ST6GAL2: variants seen among roughly 807,000 people sequenced by gnomAD.
ST6GAL2 encodes beta-galactoside alpha-2,6-sialyltransferase 2.
Under a neutral mutation model 37.5 loss-of-function variants are expected in ST6GAL2, and 24 were observed. The ratio of observed to expected loss-of-function variants is 0.64; its 90% confidence interval spans 0.46 to 0.90. The LOEUF is 0.90. Ranked by LOEUF, ST6GAL2 falls within the 40% of genes least tolerant of loss-of-function variation. The probability of loss-of-function intolerance (pLI) is 0.00; values close to 1 mark genes in which losing one functional copy is unlikely to be tolerated. For synonymous variants in ST6GAL2, 306 were observed against 295.1 expected (o/e 1.04, Z -0.38); for missense variants, 715 against 712.7 (o/e 1.00, Z -0.04).
intron 1 of ST6GAL2, among the ~76,000 whole-genome samples, chr2:106,853,300 A>G (rs1242441270): frequency 6.6e-6 from 1 of 152,188 alleles, no homozygotes; most frequent in Non-Finnish European, 1.5e-5. Flanking sequence ...GACAACTGCC[A>G]GGCGGATTTT....
At chr2:106,820,524 A>G (rs1573216866) in intron 5 of ST6GAL2, among the ~76,000 whole-genome samples, 1 of 152,120 alleles carries the variant, frequency 6.6e-6, no homozygotes, top group African/African-American at 2.4e-5. Flanking sequence ...ACCCCAAAAT[A>G]ATAAAGGCTG....
chr2:106,823,813 T>C (rs7607055), intron 5 of ST6GAL2, among the ~76,000 whole-genome samples: 52,144 of 152,024 alleles, frequency 0.34, 9,773 homozygotes, highest in Non-Finnish European at 0.43. Flanking sequence ...TACTGGTTCA[T>C]TGATGGCCAT....
chr2:106,818,016 A>G (rs183920050), intron 5 of ST6GAL2, among the ~76,000 whole-genome samples: 2 of 152,080 alleles, frequency 1.3e-5, no homozygotes, highest in African/African-American at 4.8e-5. Flanking sequence ...AGTGGGGAGG[A>G]CTCTGTCTTG....
intron 1 of ST6GAL2, among the ~76,000 whole-genome samples, chr2:106,861,226 A>G (rs1677784335): frequency 6.6e-6 from 1 of 152,194 alleles, no homozygotes; most frequent in Admixed American, 6.5e-5. Context: ...AGCCTGAGGA[A>G]TTCTGCTTTA....
At chr2:106,872,487 A>T (rs1287667785) in intron 1 of ST6GAL2, among the ~76,000 whole-genome samples, 2 of 152,232 alleles carry the variant, frequency 1.3e-5, no homozygotes, top group African/African-American at 4.8e-5. Flanking sequence ...GGATGTGAGG[A>T]CATCCACACT....
chr2:106,815,677 A>G (rs748979476), intron 5 of ST6GAL2, among the ~76,000 whole-genome samples: 4 of 152,226 alleles, frequency 2.6e-5, no homozygotes, highest in East Asian at 1.9e-4. Context: ...TAAAGGTACT[A>G]TCAGTATCTT....
At chr2:106,835,021 G>A (rs1241009345) in intron 2 of ST6GAL2, 1 of 152,234 alleles carries the variant, frequency 6.6e-6, no homozygotes, top group South Asian at 2.1e-4. Flanking sequence ...AACAGTGGGA[G>A]GCACAGGAAA....
intron 1 of ST6GAL2, among the ~76,000 whole-genome samples, chr2:106,869,113 G>A (rs1458298516): frequency 1.3e-5 from 2 of 152,126 alleles, no homozygotes; most frequent in South Asian, 2.1e-4. Flanking sequence ...GGGGAGGGGT[G>A]GTGGGCTTTG....
chr2:106,866,003 T>C lies in ST6GAL2; in HGVS notation c.-58+20090A>G, dbSNP rs539965290. On this transcript the variant is annotated intron_variant, in intron 1 of 5. Coordinates refer to ENST00000409382, the MANE Select transcript of ST6GAL2 (RefSeq NM_001142351.2). The stretch of plus-strand genomic sequence containing the variant: ...GGTTGTCTTTACCACAATAGAGCCA[T>C]CACATTGGAAAACTTGCTCAGCAGT... Among the ~76,000 whole-genome samples, 3 of 152,338 alleles carry C rather than the reference T, an allele frequency of 2.0e-5. No individual in the cohort carries two copies. The South Asian group carries it at 6.2e-4, about 32-fold the overall frequency.
intron 5 of ST6GAL2, chr2:106,813,227 A>G (rs1675678812): frequency 1.5e-6 from 2 of 1,342,336 alleles, no homozygotes; most frequent in South Asian, 4.2e-5. Flanking sequence ...AAATGAGCCT[A>G]TATGAGGGAT....
In ST6GAL2 at chr2:106,843,825, G is replaced by C; in HGVS notation, c.153C>G (p.Leu51=). The stretch of plus-strand genomic sequence containing the variant: ...CCCGCTGCTTCCCCTGCACCGGCAG[G>C]AGCCTCCTGGTCTCCAGGAAGGAGA... ...SSLSFLETRR[L]LPVQGKQRAI... Residue 51 remains leucine (L), a synonymous_variant, in exon 2 of 6, where the codon CTC becomes CTG. Coordinates refer to ENST00000409382, the MANE Select transcript of ST6GAL2 (RefSeq NM_001142351.2). The C allele has an allele frequency of 1.9e-6, 3 of 1,611,948 alleles. No individual in the cohort carries two copies. The highest frequency in any genetic ancestry group is 2.5e-6 in the Non-Finnish European group (3 of 1,179,230).
chr2:106,863,515 A>G (rs1677893337), intron 1 of ST6GAL2, among the ~76,000 whole-genome samples: 1 of 152,064 alleles, frequency 6.6e-6, no homozygotes, highest in African/African-American at 2.4e-5. Context: ...CTAACGCACA[A>G]TGTTTCTGAG....
chr2:106,841,522 T>C (rs1055475678), intron 2 of ST6GAL2, among the ~76,000 whole-genome samples: 1 of 152,220 alleles, frequency 6.6e-6, no homozygotes, highest in Non-Finnish European at 1.5e-5. Flanking sequence ...AACACATATT[T>C]GTCAAATGAA....
At chr2:106,887,090 G>C (rs939074265), upstream of ST6GAL2, 3 of 152,310 alleles carry the variant, frequency 2.0e-5, no homozygotes, top group African/African-American at 7.2e-5. Context: ...GGGAGTCCCG[G>C]CGCCTGCCCC....
intron 4 of ST6GAL2, among the ~76,000 whole-genome samples, chr2:106,831,218 G>A (rs1281530849): frequency 6.6e-6 from 1 of 152,196 alleles, no homozygotes; most frequent in Non-Finnish European, 1.5e-5. Flanking sequence ...ACTGGCAAGG[G>A]AGCAAGAGGA....
intron 1 of ST6GAL2, among the ~76,000 whole-genome samples, chr2:106,875,802 G>T (rs1455674085): frequency 6.6e-6 from 1 of 152,156 alleles, no homozygotes; most frequent in Non-Finnish European, 1.5e-5. Flanking sequence ...CATATAGGAA[G>T]CTTCCATATT....
intron 1 of ST6GAL2, among the ~76,000 whole-genome samples, chr2:106,854,902 C>T: frequency 1.4e-5 from 2 of 148,052 alleles, no homozygotes; most frequent in Admixed American, 6.8e-5. Context: ...AATAAATATA[C>T]TTTAAGGAAT....
intron 5 of ST6GAL2, among the ~76,000 whole-genome samples, chr2:106,815,363 A>G (rs1272601735): frequency 6.6e-6 from 1 of 152,240 alleles, no homozygotes; most frequent in Non-Finnish European, 1.5e-5. Flanking sequence ...ACATACATAG[A>G]GTAATGACTT....
intron 1 of ST6GAL2, among the ~76,000 whole-genome samples, chr2:106,870,024 G>A (rs896085367): frequency 2.0e-4 from 30 of 152,278 alleles, no homozygotes; most frequent in Non-Finnish European, 3.2e-4. Flanking sequence ...TGAAGGTGAC[G>A]TACCTGGGGT....
Sources: gnomAD v4.1 joint callset for allele counts (sites outside exome capture counted in the v4.1 genomes callset) on GRCh38, gnomAD v4.1.1 for gene constraint, MANE v1.5 for transcripts, NCBI Gene and HGNC (gene_info 2026-07-23, HGNC 2026-07-21) for gene names.